Variants in FER1L6 observed in about 807,000 individuals in gnomAD.
The protein encoded by FER1L6 is fer-1-like protein 6.
FER1L6 carries 177 observed loss-of-function variants against 219.2 expected under a neutral mutation model. That is an observed-to-expected ratio of 0.81 (90% CI 0.71 to 0.91). The LOEUF is 0.91. FER1L6 is among the 40% of genes least tolerant of loss of function. The pLI is 0.00. For synonymous variants in FER1L6, 768 were observed against 824.3 expected, an observed-to-expected ratio of 0.93 and a Z score of 1.17; for missense variants, 2,153 against 2,259.9, an observed-to-expected ratio of 0.95 and a Z score of 0.96.
intron 1 of FER1L6, 35 bp from the exon 2 acceptor site, chr8:123,955,957 A>G: frequency 6.4e-7 from 1 of 1,567,786 alleles, no homozygotes; most frequent in Non-Finnish European, 8.7e-7. Flanking sequence ...AATGACTCAA[A>G]GTTTTTATTG....
At chr8:123,998,546 G>C (rs1310910969) in intron 12 of FER1L6, among the ~76,000 whole-genome samples, 1 of 152,152 alleles carries the variant, frequency 6.6e-6, no homozygotes, top group South Asian at 2.1e-4. Flanking sequence ...TAAGGCCCAT[G>C]ATGACCACTG....
At chr8:124,079,112 A>G (rs1272694010) in intron 32 of FER1L6, among the ~76,000 whole-genome samples, 1 of 151,948 alleles carries the variant, frequency 6.6e-6, no homozygotes, top group East Asian at 1.9e-4. Flanking sequence ...GCATCTCTCC[A>G]CATCATCTTC....
intron 1 of FER1L6, among the ~76,000 whole-genome samples, chr8:123,906,626 C>T (rs1320458628): frequency 2.0e-5 from 3 of 151,794 alleles, no homozygotes; most frequent in Non-Finnish European, 4.4e-5. Flanking sequence ...ACAGAGAAAC[C>T]CCATCTCTAC....
At chr8:123,886,769 C>T (rs926143343) in intron 1 of FER1L6, among the ~76,000 whole-genome samples, 1 of 152,120 alleles carries the variant, frequency 6.6e-6, no homozygotes, top group African/African-American at 2.4e-5. Flanking sequence ...TGTATATAGC[C>T]AGGCATTGGT....
chr8:123,941,410 C>T (rs1046620280), intron 1 of FER1L6, among the ~76,000 whole-genome samples: 4 of 152,038 alleles, frequency 2.6e-5, no homozygotes, highest in South Asian at 2.1e-4. Flanking sequence ...GAGAGGAGCA[C>T]GTGCAAAGAT....
intron 12 of FER1L6, among the ~76,000 whole-genome samples, chr8:123,998,373 A>ACTCTCTCTCTCT (rs746709688): frequency 0.015 from 500 of 32,472 alleles, 110 homozygotes; most frequent in Non-Finnish European, 0.022. Flanking sequence ...AAAGAGGGAA[A>ACTCTCTCTCTCT]CTCTCTCTCT....
chr8:123,987,796 T>A (rs941928277), intron 12 of FER1L6, among the ~76,000 whole-genome samples: 7 of 152,168 alleles, frequency 4.6e-5, no homozygotes, highest in African/African-American at 1.7e-4. Flanking sequence ...TCCCAACACA[T>A]GTTCTCGATA....
intron 1 of FER1L6, among the ~76,000 whole-genome samples, chr8:123,951,520 C>G (rs1476510202): frequency 6.6e-6 from 1 of 152,110 alleles, no homozygotes; most frequent in Non-Finnish European, 1.5e-5. Context: ...ATATCCCAGT[C>G]TTAGAAAGAT....
chr8:123,941,142 C>G (rs962256422), intron 1 of FER1L6, among the ~76,000 whole-genome samples: 3 of 152,088 alleles, frequency 2.0e-5, no homozygotes, highest in Non-Finnish European at 4.4e-5. Flanking sequence ...CCTAATGAAA[C>G]TTTTTGTCTA....
At chr8:124,099,292 T>C (rs1280927554) in intron 37 of FER1L6, among the ~76,000 whole-genome samples, 5 of 151,588 alleles carry the variant, frequency 3.3e-5, no homozygotes, top group Admixed American at 6.6e-5. Flanking sequence ...TGTAGATTCC[T>C]CAAAAGCAGC....
chr8:123,967,083 A>AAAG (rs547457160), intron 5 of FER1L6, among the ~76,000 whole-genome samples: 50 of 71,610 alleles, frequency 7.0e-4, no homozygotes, highest in African/African-American at 1.7e-3. Context: ...CTCCACCTCA[A>AAAG]AAAAAAAAAA....
At chr8:123,981,826 C>T (rs1816338699) in intron 11 of FER1L6, among the ~76,000 whole-genome samples, 1 of 152,142 alleles carries the variant, frequency 6.6e-6, no homozygotes, top group Non-Finnish European at 1.5e-5. Flanking sequence ...AATTACCCTG[C>T]CATAGGCATA....
At chr8:123,970,164 T>C in intron 6 of FER1L6, 67 bp downstream of exon 6, 1 of 1,387,514 alleles carries the variant, frequency 7.2e-7, no homozygotes, top group Non-Finnish European at 1.0e-6. Flanking sequence ...GGGGACTCTC[T>C]GGGACAACTC....
chr8:123,863,963 G>T (rs1414688930), intron 1 of FER1L6, among the ~76,000 whole-genome samples: 3 of 150,116 alleles, frequency 2.0e-5, no homozygotes, highest in Non-Finnish European at 4.4e-5. Flanking sequence ...TTTAATTGGA[G>T]AATTTAGTCC....
chr8:124,078,489 CCTTTT>C (rs770953146), intron 32 of FER1L6, among the ~76,000 whole-genome samples: 4 of 152,204 alleles, frequency 2.6e-5, no homozygotes, highest in Non-Finnish European at 4.4e-5. Context: ...CCATGACATG[CCTTTT>C]CTTTTCTTGT....
chr8:124,088,858 A>G (rs1470592371), intron 33 of FER1L6, among the ~76,000 whole-genome samples: 1 of 151,808 alleles, frequency 6.6e-6, no homozygotes, highest in Non-Finnish European at 1.5e-5. Flanking sequence ...ACTGTAGCTG[A>G]GCTGGTATTC....
At chr8:123,861,443 T>C (rs1263713856) in intron 1 of FER1L6, among the ~76,000 whole-genome samples, 4 of 146,780 alleles carry the variant, frequency 2.7e-5, no homozygotes, top group African/African-American at 8.0e-5. Flanking sequence ...TCTTTTGGCT[T>C]AGGATTGACT....
intron 1 of FER1L6, among the ~76,000 whole-genome samples, chr8:123,955,781 C>T (rs569856061): frequency 2.0e-5 from 3 of 152,218 alleles, no homozygotes; most frequent in African/African-American, 7.2e-5. Context: ...CTCACGATTC[C>T]AATTCGGGTG....
Position 123,973,468 on chromosome 8 carries a change from T to C in FER1L6, c.482T>C (p.Ile161Thr), listed in dbSNP as rs1815913772. 1.2e-6 allele frequency: 2 copies of C among 1,613,984 alleles called. No individual in the cohort carries two copies. The highest frequency in any genetic ancestry group is 1.7e-6 in the Non-Finnish European group (2 of 1,179,978). ...CACAAGCTGATAGGAAGTGTACTGA[T>C]TGGCTCTTTCAAAGTAGACCTGGGG... Reference protein sequence around the residue: ...FHHKLIGSVLIGSFKVDLGTV... With the variant: ...FHHKLIGSVLTGSFKVDLGTV... The change falls in exon 7 of 41, where the codon ATT becomes ACT. Residue 161 changes from isoleucine to threonine, a missense_variant. Coordinates refer to ENST00000522917, the MANE Select transcript of FER1L6 (RefSeq NM_001039112.2).
Sources: allele counts gnomAD v4.1 joint callset (sites outside exome capture counted in the v4.1 genomes callset), GRCh38; gene constraint gnomAD v4.1.1; transcripts MANE v1.5; gene names NCBI Gene and HGNC (gene_info 2026-07-23, HGNC 2026-07-21).